The following OSBP variants were observed in gnomAD, a reference collection of about 807,000 sequenced individuals.
The protein encoded by OSBP is oxysterol-binding protein 1.
A neutral mutation model predicts 96.6 loss-of-function variants in OSBP; 32 were observed. That is an observed-to-expected ratio of 0.33 (90% confidence interval 0.25 to 0.45). OSBP has a LOEUF of 0.45. OSBP is among the 20% of genes least tolerant of loss of function. The probability of loss-of-function intolerance (pLI) is 1.00; values close to 1 mark genes in which losing one functional copy is unlikely to be tolerated. For missense variants in OSBP, 653 were observed against 1,029.7 expected, an observed-to-expected ratio of 0.63 and a Z score of 5.01; for synonymous variants, 369 against 389.6, an observed-to-expected ratio of 0.95 and a Z score of 0.62.
At chr11:59,600,716 A>G (rs1424468964) in intron 6 of OSBP, 89 bp from the exon 7 acceptor site, 3 of 1,567,884 alleles carry the variant, frequency 1.9e-6, no homozygotes, top group African/African-American at 1.4e-5. Flanking sequence ...TAAAAAAAGA[A>G]AAAAAAATCA....
At chr11:59,579,405 C>T (rs1041170738) in intron 11 of OSBP, among the ~76,000 whole-genome samples, 1 of 150,724 alleles carries the variant, frequency 6.6e-6, no homozygotes, top group African/African-American at 2.4e-5. Context: ...GTGATCTCGG[C>T]TCACTGCAAA....
intron 1 of OSBP, among the ~76,000 whole-genome samples, chr11:59,614,988 A>C (rs1001093478): frequency 2.6e-5 from 4 of 152,228 alleles, no homozygotes; most frequent in Admixed American, 6.5e-5. Context: ...AGAATTAATA[A>C]TTGCACCCAT....
intron 4 of OSBP, 86 bp downstream of exon 4, chr11:59,601,554 T>C: frequency 2.4e-6 from 3 of 1,272,416 alleles, no homozygotes; most frequent in Non-Finnish European, 3.4e-6. Flanking sequence ...ACTCATTGAC[T>C]GTGAAGAGTT....
chr11:59,608,341 AC>A, intron 3 of OSBP, 142 bp downstream of exon 3: 2 of 966,480 alleles, frequency 2.1e-6, no homozygotes, highest in Non-Finnish European at 3.2e-6. Flanking sequence ...CATGCAGTAA[AC>A]AATGTAACTT....
At chr11:59,597,063 TC>T (rs554442657) in intron 7 of OSBP, among the ~76,000 whole-genome samples, 20 of 152,176 alleles carry the variant, frequency 1.3e-4, no homozygotes, top group African/African-American at 4.8e-4. Flanking sequence ...AGAAGCTATT[TC>T]TTTCTTTTTT....
Position 59,600,839 on chromosome 11 carries a change from C to G in OSBP, c.1159G>C (p.Asp387His). 1 of 1,613,652 alleles carries G rather than the reference C, an allele frequency of 6.2e-7. No homozygotes were observed. Among genetic ancestry groups the G allele is most frequent in the Non-Finnish European group, 8.5e-7 (1 of 1,179,872 alleles). ...TGSNISGASS[D>H]ISLDEQYKHQ... Reference sequence around the variant, plus strand: ...ATTACCTGTTCATCAAGGCTGATGTCACTGCTGGCTCCACTGATATTGCTG... The same window carrying G: ...ATTACCTGTTCATCAAGGCTGATGTGACTGCTGGCTCCACTGATATTGCTG... The change falls in exon 6 of 14, where the codon GAC (aspartate) becomes CAC (histidine). Residue 387 changes from aspartate to histidine, a missense_variant. Around this residue, in one of 6 missense-constraint regions of OSBP, gnomAD observed 308 missense variants for 573.1 expected, o/e 0.54. Transcript: ENST00000263847.
intron 11 of OSBP, among the ~76,000 whole-genome samples, chr11:59,579,676 A>T (rs1255780801): frequency 2.0e-5 from 3 of 151,456 alleles, no homozygotes; most frequent in Admixed American, 2.0e-4. Flanking sequence ...GAATTGGCTT[A>T]GTAGTAATAC....
intron 1 of OSBP, among the ~76,000 whole-genome samples, chr11:59,612,228 AG>A (rs1436633004): frequency 6.6e-6 from 1 of 152,224 alleles, no homozygotes; most frequent in Non-Finnish European, 1.5e-5. Context: ...GAAGGCCAGA[AG>A]GGTCTCAATG....
chr11:59,577,655 G>A (rs1321307485), intron 12 of OSBP, among the ~76,000 whole-genome samples: 1 of 152,146 alleles, frequency 6.6e-6, no homozygotes, highest in Non-Finnish European at 1.5e-5. Context: ...ACCATATGTG[G>A]CTAATTTTTG....
Position 59,615,393 on chromosome 11 carries a change from C to G in OSBP, c.272G>C (p.Arg91Pro). The change falls in exon 1 of 14, where the codon CGA (arginine) becomes CCA (proline). Residue 91 changes from arginine (R) to proline (P), a missense_variant. Physicochemically the swap from Arg to Pro is moderately radical, Grantham distance 103 (BLOSUM62 -2). Around this residue, in one of 6 missense-constraint regions of OSBP, gnomAD observed 151 missense variants for 146.1 expected, o/e 1.03. Transcript: ENST00000263847. ...GSGAGGSGSA[R>P]EGWLFKWTNY... ...GGTCCATTTGAAGAGCCAGCCCTCT[C>G]GAGCCGAGCCCGAACCCCCAGCGCC... 2.5e-6 allele frequency: 4 copies of G among 1,570,500 alleles called. No individual in the cohort carries two copies. The highest frequency in any genetic ancestry group is 3.5e-6 in the Non-Finnish European group (4 of 1,157,576).
rs138158355 is a variant in OSBP, at chr11:59,600,584, C to G, written c.1223G>C (p.Arg408Thr). Reference protein sequence around the residue: ...LEETKKEKRTRIPYKPNYSLN... With the variant: ...LEETKKEKRTTIPYKPNYSLN... ...GCTATAGTTTGGCTTGTATGGTATTCTGGTTCTCTTTTCCTTTTTGGTCTC... is the reference window on the plus strand; with the variant it reads ...GCTATAGTTTGGCTTGTATGGTATTGTGGTTCTCTTTTCCTTTTTGGTCTC... Residue 408 changes from arginine (R) to threonine (T), a missense_variant, in exon 7 of 14, where the codon AGA becomes ACA. Physicochemically the swap from Arg to Thr is moderately conservative, Grantham distance 71 (BLOSUM62 -1). Coordinates refer to ENST00000263847, the MANE Select transcript of OSBP (RefSeq NM_002556.3). 793 of 1,614,080 alleles carry G rather than the reference C, an allele frequency of 4.9e-4. 1 individual carries two copies. Among genetic ancestry groups the G allele is most frequent in the Admixed American group, 9.3e-4 (56 of 60,012 alleles).
chr11:59,599,412 A>C (rs1860693264), intron 7 of OSBP, among the ~76,000 whole-genome samples: 1 of 151,850 alleles, frequency 6.6e-6, no homozygotes, highest in African/African-American at 2.4e-5. Flanking sequence ...ATATATTTTG[A>C]ATTTTTTTTT....
intron 2 of OSBP, among the ~76,000 whole-genome samples, chr11:59,609,733 C>A (rs973003642): frequency 6.6e-6 from 1 of 152,082 alleles, no homozygotes; most frequent in African/African-American, 2.4e-5. Flanking sequence ...AAAATCGTAC[C>A]ATTTTCCTTG....
rs202067931 is a variant in OSBP at position 59,593,594 on chromosome 11, G to T, written c.1678+10C>A. On this transcript the variant is annotated intron_variant, in intron 9 of 13. Transcript: ENST00000263847. The stretch of plus-strand genomic sequence containing the variant: ...AGGAGCATTAATTCTGACAAAGATG[G>T]TAACCTTACCGAGGGGCATAATGGA... 359 of 1,613,728 alleles carry T rather than the reference G, an allele frequency of 2.2e-4. No homozygotes were observed. Among genetic ancestry groups the T allele is most frequent in the Non-Finnish European group, 2.8e-4 (333 of 1,179,728 alleles).
chr11:59,591,320 T>C (rs949896375), intron 9 of OSBP, among the ~76,000 whole-genome samples: 1 of 152,096 alleles, frequency 6.6e-6, no homozygotes, highest in Non-Finnish European at 1.5e-5. Context: ...ATAGAGAAAA[T>C]GTACAATATT....
At chr11:59,586,178 GA>G (rs34764421) in intron 9 of OSBP, among the ~76,000 whole-genome samples, 11,705 of 60,326 alleles carry the variant, frequency 0.19, 591 homozygotes, top group Admixed American at 0.28. Context: ...AATAAATAAA[GA>G]AAAAAAAAAA....
At chr11:59,600,696 T>TC (rs1285119152) in intron 6 of OSBP, 69 bp from the exon 7 acceptor site, 27 of 1,527,076 alleles carry the variant, frequency 1.8e-5, no homozygotes, top group African/African-American at 3.2e-5. Flanking sequence ...AACCTTCCCT[T>TC]CCCCCGTGCT....
rs1860810414 is a variant in OSBP, at chr11:59,608,550, A to G, written c.756T>C (p.Asn252=). 6.2e-7 allele frequency: 1 copy of G among 1,613,838 alleles called. No homozygotes were observed. Among genetic ancestry groups the G allele is most frequent in the Admixed American group, 1.7e-5 (1 of 59,988 alleles). The change falls in exon 3 of 14, where the codon AAT becomes AAC. Residue 252 remains asparagine (N), a synonymous_variant. Transcript: ENST00000263847. ...LESLKLPAES[N]EKIKQVNERA... ...GTTCGTTGACCTGTTTGATCTTTTC[A>G]TTGCTCTCAGCAGGCAACTTCAGGG...
At chr11:59,585,337 G>A (rs1860484867) in intron 9 of OSBP, among the ~76,000 whole-genome samples, 2 of 151,068 alleles carry the variant, frequency 1.3e-5, no homozygotes, top group South Asian at 4.2e-4. Context: ...GACCCCGTCT[G>A]GGAGGTGAGG....
Sources: gnomAD v4.1 joint callset for allele counts (sites outside exome capture counted in the v4.1 genomes callset) on GRCh38, gnomAD v4.1.1 for gene constraint, gnomAD v4.1.1 regional missense constraint, MANE v1.5 for transcripts, NCBI Gene and HGNC (gene_info 2026-07-23, HGNC 2026-07-21) for gene names.